The following OGN variants were observed in gnomAD, a reference collection of about 807,000 sequenced individuals.
OGN encodes osteoglycin.
In OGN, 19 loss-of-function variants were observed where a neutral mutation model predicts 30.8. The observed-to-expected ratio is 0.62, with a 90% confidence interval of 0.43 to 0.90. The LOEUF (loss-of-function observed/expected upper bound fraction) is 0.90, where lower values mean the gene tolerates loss of function less well. OGN is among the 40% of genes least tolerant of loss of function. The probability of loss-of-function intolerance (pLI) is 0.00; values close to 1 mark genes in which losing one functional copy is unlikely to be tolerated. For missense variants in OGN, 283 were observed against 349.7 expected, an observed-to-expected ratio of 0.81 and a Z score of 1.52; for synonymous variants, 126 against 128.3, an observed-to-expected ratio of 0.98 and a Z score of 0.12.
At chr9:92,389,227 A>G (rs1842567129) in intron 5 of OGN, among the ~76,000 whole-genome samples, 1 of 152,146 alleles carries the variant, frequency 6.6e-6, no homozygotes, top group South Asian at 2.1e-4. Context: ...TAAAGTGATT[A>G]CTCCTGTAGG....
chr9:92,403,589 T>A (rs1452825809), intron 1 of OGN, 107 bp from the exon 2 acceptor site: 2 of 1,228,624 alleles, frequency 1.6e-6, no homozygotes, highest in Non-Finnish European at 2.0e-6. Flanking sequence ...CCCTTAGTGA[T>A]CTTTAATTAG....
At chr9:92,394,765 C>T (rs1289650140) in intron 3 of OGN, among the ~76,000 whole-genome samples, 3 of 150,460 alleles carry the variant, frequency 2.0e-5, no homozygotes, top group Non-Finnish European at 3.0e-5. Flanking sequence ...CCACCATGTC[C>T]GGCTAATTTT....
chr9:92,401,926 T>G (rs1162823860), intron 2 of OGN, among the ~76,000 whole-genome samples: 1 of 152,194 alleles, frequency 6.6e-6, no homozygotes, highest in Non-Finnish European at 1.5e-5. Flanking sequence ...CTCCTGACTC[T>G]GCCCTTCACC....
At chr9:92,396,531 T>C (rs1842897573) in intron 3 of OGN, among the ~76,000 whole-genome samples, 1 of 150,762 alleles carries the variant, frequency 6.6e-6, no homozygotes, top group South Asian at 2.1e-4. Flanking sequence ...CTTAGCAGCG[T>C]TATTTAGATT....
chr9:92,399,790 T>A (rs1843034750), intron 3 of OGN, among the ~76,000 whole-genome samples: 1 of 152,218 alleles, frequency 6.6e-6, no homozygotes, highest in East Asian at 1.9e-4. Flanking sequence ...TTGGTACCTT[T>A]AGTATGTACT....
In OGN at chr9:92,385,564, T is replaced by A; in HGVS notation, c.*56A>T. ...AATACTTAAGTTCCTTTACTCATTG[T>A]TGAGACAGACTATTAGTGTAGGTGT... On this transcript the variant is annotated 3_prime_UTR_variant, in exon 7 of 7. Coordinates refer to ENST00000375561, the MANE Select transcript of OGN (RefSeq NM_014057.5). 1 of 1,474,778 alleles carries A rather than the reference T, an allele frequency of 6.8e-7. No homozygotes were observed. The highest frequency in any genetic ancestry group is 9.4e-7 in the Non-Finnish European group (1 of 1,063,326). The allele number at this position is 1,474,778 out of a possible 1,614,324, so 91.4% of individuals were successfully genotyped here. A position where few individuals can be genotyped will look rare whatever the true frequency, so the allele number is the denominator to read the frequency against.
intron 5 of OGN, among the ~76,000 whole-genome samples, chr9:92,387,053 GAAAAAAAAA>G (rs903436031): frequency 4.2e-4 from 21 of 50,168 alleles, no homozygotes; most frequent in South Asian, 2.1e-3. Context: ...GTCTCAAAAA[GAAAAAAAAA>G]AAAAAAAAAA....
At chr9:92,386,105 C>G (rs1842408562) in intron 6 of OGN, 96 bp downstream of exon 6, 4 of 965,360 alleles carry the variant, frequency 4.1e-6, no homozygotes, top group African/African-American at 1.6e-5. Flanking sequence ...GTGATCTAAC[C>G]AAAATTTGTA....
rs1842317536 is a variant in OGN at position 92,383,540 on chromosome 9, A to G, written c.*2080T>C. Among the ~76,000 whole-genome samples the G allele has an allele frequency of 6.6e-6, 1 of 152,168 alleles. No homozygotes were observed. The highest frequency in any genetic ancestry group is 2.1e-4 in the South Asian group (1 of 4,826). ...TAATTATTAGTGTCAAGAATGAAAC[A>G]TTATGAATATAATGGAGACAGCATA... is the stretch of plus-strand genomic sequence containing the variant. On this transcript the variant is annotated 3_prime_UTR_variant, in exon 7 of 7. Coordinates refer to ENST00000375561, the MANE Select transcript of OGN (RefSeq NM_014057.5).
At chr9:92,395,636 A>G (rs1425583672) in intron 3 of OGN, among the ~76,000 whole-genome samples, 1 of 152,214 alleles carries the variant, frequency 6.6e-6, no homozygotes, top group African/African-American at 2.4e-5. Context: ...CCAGCAGCAT[A>G]TGAGAGTTCC....
chr9:92,395,975 A>T (rs537754006), intron 3 of OGN, among the ~76,000 whole-genome samples: 19 of 151,404 alleles, frequency 1.3e-4, no homozygotes, highest in African/African-American at 4.4e-4. Flanking sequence ...TTTCTTCTAG[A>T]AGTTGTATAG....
At position 92,386,280 on chromosome 9, in the gene OGN, G is replaced by A; in HGVS notation, c.647C>T (p.Thr216Ile). The change falls in exon 6 of 7, where the codon ACC becomes ATC. Residue 216 changes from threonine (T) to isoleucine (I), a missense_variant. Thr to Ile is a moderately conservative substitution (Grantham distance 89, BLOSUM62 -1). Transcript: ENST00000375561. ...ANAFKKLNNL[T>I]FLYLDHNALE... is the part of the protein sequence containing the mutation. ...GGCATTATGGTCCAAGTAGAGGAAG[G>A]TGAGGTTATTCAGTTTCTGTAAGGA... 1 of 1,612,870 alleles carries A rather than the reference G, an allele frequency of 6.2e-7. No homozygotes were observed. The highest frequency in any genetic ancestry group is 2.2e-5 in the East Asian group (1 of 44,826).
Position 92,403,468 on chromosome 9 carries a change from A to C in OGN, c.-61T>G. On this transcript the variant is annotated 5_prime_UTR_variant, in exon 2 of 7. Transcript: ENST00000375561. ...CTAGTGGCCTGCTGACTGTGGGACA[A>C]AACTCTCTTTTTCCCTGGAAATAAA... 6.5e-7 allele frequency: 1 copy of C among 1,529,986 alleles called. No homozygotes were observed. The highest frequency in any genetic ancestry group is 8.8e-7 in the Non-Finnish European group (1 of 1,142,102). 94.8% of individuals were successfully genotyped at this position (1,529,986 alleles called of 1,614,324 possible).
chr9:92,386,661 T>A (rs1243803419), intron 5 of OGN, among the ~76,000 whole-genome samples: 2 of 152,204 alleles, frequency 1.3e-5, no homozygotes, highest in Admixed American at 1.3e-4. Context: ...TTGACCCTGG[T>A]GCTGCCATAA....
At chr9:92,403,513 A>G (rs1843204981) in intron 1 of OGN, 31 bp from the exon 2 acceptor site, 3 of 1,461,868 alleles carry the variant, frequency 2.1e-6, no homozygotes, top group Admixed American at 5.3e-5. Context: ...CATCGAAGCA[A>G]TATTTAAAAG....
In OGN at chr9:92,393,082, T is replaced by G; in HGVS notation, c.427+4A>C. 6.2e-7 allele frequency: 1 copy of G among 1,612,094 alleles called. No individual in the cohort carries two copies. The highest frequency in any genetic ancestry group is 8.5e-7 in the Non-Finnish European group (1 of 1,178,968). ...TACTAATATCATATTTCAGCTTAAC[T>G]TACGTATGTCTGCAAAATCTTTGGC... On this transcript the variant is annotated splice_donor_region_variant and intron_variant, in intron 4 of 6. Transcript: ENST00000375561.
intron 3 of OGN, among the ~76,000 whole-genome samples, chr9:92,400,227 C>A (rs540682934): frequency 6.6e-6 from 1 of 152,098 alleles, no homozygotes; most frequent in African/African-American, 2.4e-5. Flanking sequence ...CTCGGCTCAC[C>A]GCAACCTCCA....
At chr9:92,399,014 T>C (rs899965553) in intron 3 of OGN, among the ~76,000 whole-genome samples, 8 of 151,972 alleles carry the variant, frequency 5.3e-5, no homozygotes, top group Non-Finnish European at 2.9e-5. Flanking sequence ...TGAGCCAAGA[T>C]TGTACTGCTG....
intron 3 of OGN, among the ~76,000 whole-genome samples, chr9:92,400,862 C>T (rs1310062592): frequency 6.6e-6 from 1 of 152,190 alleles, no homozygotes; most frequent in Non-Finnish European, 1.5e-5. Flanking sequence ...TTTGTGGAGG[C>T]TAAGCTTGCC....
Sources: allele counts gnomAD v4.1 joint callset (sites outside exome capture counted in the v4.1 genomes callset), GRCh38; gene constraint gnomAD v4.1.1; transcripts MANE v1.5; gene names NCBI Gene and HGNC (gene_info 2026-07-23, HGNC 2026-07-21).